The following STK4 variants were observed in gnomAD, a reference collection of about 807,000 sequenced individuals.
STK4 encodes the protein serine/threonine-protein kinase 4.
In STK4, 30 loss-of-function variants were observed where a neutral mutation model predicts 64.9. The observed-to-expected ratio is 0.46, with a 90% CI of 0.35 to 0.63. The LOEUF is 0.63. Among genes scored for constraint, STK4 ranks in the 20% least tolerant of loss-of-function variants. The pLI is 0.01. For missense variants in STK4, 466 were observed against 598.5 expected (o/e 0.78, Z 2.31); for synonymous variants, 177 against 199.0 (o/e 0.89, Z 0.93).
At chr20:44,978,604 G>A in intron 3 of STK4, 33 bp downstream of exon 3, 1 of 1,609,098 alleles carries the variant, frequency 6.2e-7, no homozygotes, top group Non-Finnish European at 8.5e-7. Flanking sequence ...TGGGGAGAAT[G>A]TGGTTTTGAA....
At chr20:44,987,769 A>G (rs552581468) in intron 5 of STK4, among the ~76,000 whole-genome samples, 74 of 152,224 alleles carry the variant, frequency 4.9e-4, no homozygotes, top group Admixed American at 9.8e-4. Context: ...AAAAAAGAAA[A>G]AAAAAAACTT....
At chr20:45,074,421 G>A (rs1435844384) in intron 10 of STK4, among the ~76,000 whole-genome samples, 3 of 152,220 alleles carry the variant, frequency 2.0e-5, no homozygotes, top group South Asian at 2.1e-4. Context: ...CAAGGGTTGC[G>A]TCTGTATTCC....
intron 10 of STK4, among the ~76,000 whole-genome samples, chr20:45,025,575 A>G (rs2068330081): frequency 6.6e-6 from 1 of 152,156 alleles, no homozygotes; most frequent in Admixed American, 6.5e-5. Context: ...GGATGAATGT[A>G]TAATTATTCC....
Position 44,981,835 on chromosome 20 carries a change from T to G in STK4, c.252T>G (p.His84Gln). The G allele has an allele frequency of 6.2e-7, 1 of 1,602,396 alleles. No individual in the cohort carries two copies. The highest frequency in any genetic ancestry group is 1.1e-5 in the South Asian group (1 of 90,840). ...ATTGTCTCTCTCTCTCTAGCCCTCA[T>G]GTAGTCAAATATTATGGCAGTTATT... The part of the protein sequence containing the change: ...ISIMQQCDSP[H>Q]VVKYYGSYFK... Residue 84 changes from histidine to glutamine, a missense_variant, in exon 4 of 11, where the codon CAT becomes CAG. Physicochemically the swap from His to Gln is conservative, Grantham distance 24. This residue lies in a region of STK4 where 190 missense variants were observed against 289.7 expected (regional missense o/e 0.66). Transcript: ENST00000372806.
chr20:45,028,569 C>T (rs1319467179), intron 10 of STK4, among the ~76,000 whole-genome samples: 1 of 152,114 alleles, frequency 6.6e-6, no homozygotes, highest in Non-Finnish European at 1.5e-5. Flanking sequence ...TGAAATAATC[C>T]TCCTGCCCGG....
chr20:45,045,928 TGCTGAGTAGCTG>T (rs1480346713), intron 10 of STK4, among the ~76,000 whole-genome samples: 1 of 152,048 alleles, frequency 6.6e-6, no homozygotes, highest in Non-Finnish European at 1.5e-5. Context: ...TGCCTCAGCC[TGCTGAGTAGCTG>T]ACATTACAGG....
intron 2 of STK4, among the ~76,000 whole-genome samples, chr20:44,976,021 A>G (rs1367531550): frequency 6.6e-6 from 1 of 152,230 alleles, no homozygotes; most frequent in Non-Finnish European, 1.5e-5. Context: ...TATAATTACA[A>G]TTTTCAAAAA....
intron 9 of STK4, among the ~76,000 whole-genome samples, chr20:45,003,911 G>A (rs1162790580): frequency 6.6e-6 from 1 of 151,632 alleles, no homozygotes; most frequent in African/African-American, 2.4e-5. Context: ...TAGAGATGGG[G>A]TTTCACCATG....
chr20:45,078,567 C>CT lies in STK4; in HGVS notation c.*3406dup, dbSNP rs34932056. 0.034 allele frequency: 4,701 copies of CT among 139,728 alleles called. 148 individuals carry two copies. The highest frequency in any genetic ancestry group is 0.088 in the African/African-American group (3,369 of 38,264). 8.7% of individuals were successfully genotyped at this position (139,728 alleles called of 1,614,324 possible). A position where few individuals can be genotyped will look rare whatever the true frequency, so the allele number is the denominator to read the frequency against. On this transcript the variant is annotated 3_prime_UTR_variant, in exon 11 of 11. Coordinates refer to ENST00000372806, the MANE Select transcript of STK4 (RefSeq NM_006282.5). ...CCATCAGTAATTTTGAAGCACTTTC[C>CT]TTTTTTTTTTTTTTTCCCCTTTTTG...
intron 10 of STK4, among the ~76,000 whole-genome samples, chr20:45,064,553 A>G (rs1465489700): frequency 1.3e-5 from 2 of 152,156 alleles, no homozygotes; most frequent in Non-Finnish European, 2.9e-5. Flanking sequence ...GATTCTTCCC[A>G]TCTATGAACA....
intron 5 of STK4, among the ~76,000 whole-genome samples, chr20:44,989,927 C>T (rs2145672407): frequency 6.6e-6 from 1 of 152,262 alleles, no homozygotes; most frequent in African/African-American, 2.4e-5. Context: ...CAGTTCTGTG[C>T]TGTCTTGATT....
chr20:45,015,627 G>C (rs978345454), intron 9 of STK4, among the ~76,000 whole-genome samples: 1 of 152,162 alleles, frequency 6.6e-6, no homozygotes, highest in African/African-American at 2.4e-5. Context: ...TCTGAGTAAG[G>C]GCAAGAGAAG....
At chr20:45,061,954 A>T (rs1393503326) in intron 10 of STK4, among the ~76,000 whole-genome samples, 1 of 138,682 alleles carries the variant, frequency 7.2e-6, no homozygotes, top group Non-Finnish European at 1.5e-5. Context: ...ATCTCAGCTC[A>T]CTGCAACCCC....
intron 5 of STK4, among the ~76,000 whole-genome samples, chr20:44,988,953 A>G (rs1255790071): frequency 1.3e-5 from 2 of 152,168 alleles, no homozygotes; most frequent in Non-Finnish European, 2.9e-5. Flanking sequence ...ATGTTGTAAC[A>G]TGCATCAATT....
intron 10 of STK4, among the ~76,000 whole-genome samples, chr20:45,053,501 A>G (rs1326734582): frequency 6.6e-6 from 1 of 152,202 alleles, no homozygotes; most frequent in Non-Finnish European, 1.5e-5. Flanking sequence ...TCTCAACTAC[A>G]TGGTGAGAAA....
At chr20:44,979,501 C>T (rs115714539) in intron 3 of STK4, among the ~76,000 whole-genome samples, 4,320 of 152,262 alleles carry the variant, frequency 0.028, 189 homozygotes, top group African/African-American at 0.093. Flanking sequence ...ACTGATAGAG[C>T]AGGCTTCCCC....
intron 9 of STK4, chr20:45,007,896 C>T (rs1399568611): frequency 6.4e-6 from 2 of 313,510 alleles, no homozygotes; most frequent in Non-Finnish European, 1.3e-5. Flanking sequence ...TTCTCCCTCT[C>T]ACCTCTAGTA....
At chr20:44,979,979 TTTAA>T (rs1164422983) in intron 3 of STK4, among the ~76,000 whole-genome samples, 1 of 152,182 alleles carries the variant, frequency 6.6e-6, no homozygotes, top group African/African-American at 2.4e-5. Flanking sequence ...TGGAAATGTC[TTTAA>T]TTAAAGAAGA....
chr20:45,048,382 G>A (rs1174301493), intron 10 of STK4, among the ~76,000 whole-genome samples: 1 of 152,206 alleles, frequency 6.6e-6, no homozygotes, highest in Admixed American at 6.5e-5. Flanking sequence ...TGGGAGACAT[G>A]GATGAACTAC....
Sources: gnomAD v4.1 joint callset for allele counts (sites outside exome capture counted in the v4.1 genomes callset) on GRCh38, gnomAD v4.1.1 for gene constraint, gnomAD v4.1.1 regional missense constraint, MANE v1.5 for transcripts, NCBI Gene and HGNC (gene_info 2026-07-23, HGNC 2026-07-21) for gene names.